DAB1: variants seen among roughly 807,000 people sequenced by gnomAD.
DAB1 encodes the protein disabled homolog 1.
DAB1 carries 15 observed loss-of-function variants against 64.6 expected under a neutral mutation model. The ratio of observed to expected loss-of-function variants is 0.23; its 90% confidence interval spans 0.16 to 0.36. The LOEUF is 0.36. DAB1 is among the 10% of genes least tolerant of loss of function. The pLI, the probability that DAB1 is intolerant of heterozygous loss-of-function variation, is 1.00. For missense variants in DAB1, 596 were observed against 706.7 expected, an observed-to-expected ratio of 0.84 and a Z score of 1.78; for synonymous variants, 235 against 251.9, an observed-to-expected ratio of 0.93 and a Z score of 0.64.
At chr1:58,498,054 C>G (rs186355326) in intron 3 of DAB1, among the ~76,000 whole-genome samples, 266 of 152,128 alleles carry the variant, frequency 1.7e-3, no homozygotes, top group African/African-American at 6.1e-3. Context: ...CTATAAGGCC[C>G]TGATATCTGG....
rs572616932 is a variant in DAB1 at position 57,381,763 on chromosome 1, T to C, written c.-137+42167A>G. Among the ~76,000 whole-genome samples, 8 of 152,320 alleles carry C rather than the reference T, an allele frequency of 5.3e-5. No individual in the cohort carries two copies. In the East Asian group the frequency reaches 1.4e-3, roughly 26 times the overall value. ...TCAATTCTCTAAGAATATGACTTTA[T>C]AGGTTCTCTGCCCACATTCATCCCT... On this transcript the variant is annotated intron_variant, in intron 1 of 14. Coordinates refer to ENST00000371236, the MANE Select transcript of DAB1 (RefSeq NM_001365792.1).
At chr1:57,194,801 T>G (rs77703037) in intron 2 of DAB1, among the ~76,000 whole-genome samples, 2 of 152,136 alleles carry the variant, frequency 1.3e-5, no homozygotes, top group Admixed American at 6.5e-5. Context: ...TCAAAGCGCA[T>G]CTCCAATCAG....
chr1:57,492,649 G>A (rs79036572), intron 7 of DAB1, among the ~76,000 whole-genome samples: 2,504 of 152,296 alleles, frequency 0.016, 65 homozygotes, highest in African/African-American at 0.057. Context: ...GCCTAGGATA[G>A]TGAAAGGAGA....
At chr1:58,412,080 A>G (rs1224048853) in intron 3 of DAB1, among the ~76,000 whole-genome samples, 1 of 152,122 alleles carries the variant, frequency 6.6e-6, no homozygotes, top group East Asian at 1.9e-4. Context: ...TGGGCACATA[A>G]CCCACACTGA....
At chr1:57,226,710 A>G (rs976191924) in intron 2 of DAB1, among the ~76,000 whole-genome samples, 3 of 144,386 alleles carry the variant, frequency 2.1e-5, no homozygotes, top group Non-Finnish European at 4.5e-5. Flanking sequence ...AGTGTTTAGA[A>G]GTGAGGAAAC....
At chr1:57,364,449 C>T (rs1464433757) in intron 1 of DAB1, among the ~76,000 whole-genome samples, 2 of 152,068 alleles carry the variant, frequency 1.3e-5, no homozygotes, top group African/African-American at 2.4e-5. Context: ...AGCCGTGACA[C>T]CTCAGGAATC....
chr1:58,033,927 T>G (rs1274636010), intron 5 of DAB1, among the ~76,000 whole-genome samples: 1 of 152,068 alleles, frequency 6.6e-6, no homozygotes, highest in Non-Finnish European at 1.5e-5. Flanking sequence ...TGAAGTGAAA[T>G]TTGAGGACTC....
chr1:57,607,381 C>A (rs1416729431), intron 7 of DAB1, among the ~76,000 whole-genome samples: 1 of 152,130 alleles, frequency 6.6e-6, no homozygotes, highest in Non-Finnish European at 1.5e-5. Flanking sequence ...TCTGTAATGC[C>A]CAATGTGACT....
chr1:58,277,627 T>C (rs1661481109), intron 4 of DAB1, among the ~76,000 whole-genome samples: 1 of 152,186 alleles, frequency 6.6e-6, no homozygotes, highest in African/African-American at 2.4e-5. Flanking sequence ...CTCTGGGAAC[T>C]CAGTCATGAA....
intron 6 of DAB1, among the ~76,000 whole-genome samples, chr1:57,672,865 C>T (rs534455581): frequency 2.6e-5 from 4 of 152,218 alleles, no homozygotes; most frequent in Admixed American, 2.6e-4. Context: ...TCTCTATTGG[C>T]TAACATAGCT....
chr1:57,767,664 A>C (rs562318819), intron 6 of DAB1, among the ~76,000 whole-genome samples: 1 of 152,264 alleles, frequency 6.6e-6, no homozygotes, highest in East Asian at 1.9e-4. Context: ...GCTACTCAAT[A>C]AATAATTAAT....
chr1:58,284,121 T>G (rs577331124), intron 4 of DAB1, among the ~76,000 whole-genome samples: 1 of 152,348 alleles, frequency 6.6e-6, no homozygotes, highest in Non-Finnish European at 1.5e-5. Context: ...TTGCCTAGTC[T>G]TGAGGTCTTT....
intron 6 of DAB1, among the ~76,000 whole-genome samples, chr1:57,785,255 A>G (rs1262338027): frequency 1.3e-5 from 2 of 152,192 alleles, no homozygotes; most frequent in Non-Finnish European, 2.9e-5. Context: ...AAGAACTCTG[A>G]TGGATATGTG....
At chr1:57,310,883 G>A (rs1007068318) in intron 1 of DAB1, among the ~76,000 whole-genome samples, 6 of 151,908 alleles carry the variant, frequency 3.9e-5, no homozygotes, top group South Asian at 2.1e-4. Flanking sequence ...CTGTAATCCC[G>A]GCTACTTGGG....
chr1:58,035,757 T>G (rs767839411), intron 5 of DAB1, among the ~76,000 whole-genome samples: 1 of 152,170 alleles, frequency 6.6e-6, no homozygotes, highest in African/African-American at 2.4e-5. Flanking sequence ...AGCCCAGGAC[T>G]GGCAGGATAA....
At chr1:57,515,755 C>T (rs780800746) in intron 7 of DAB1, among the ~76,000 whole-genome samples, 30 of 152,208 alleles carry the variant, frequency 2.0e-4, no homozygotes, top group Middle Eastern at 3.2e-3. Context: ...TTGTGCCAAG[C>T]CTTGAGCCAA....
In DAB1 at chr1:56,994,878, T is replaced by C. The variant is rs1386577537; in HGVS notation, c.*3266A>G. 1 of 152,242 alleles carries C rather than the reference T, an allele frequency of 6.6e-6. No individual in the cohort carries two copies. Among genetic ancestry groups the C allele is most frequent in the Non-Finnish European group, 1.5e-5 (1 of 68,044 alleles). The allele number at this position is 152,242 out of a possible 1,614,324, so 9.4% of individuals were successfully genotyped here. A position where few individuals can be genotyped will look rare whatever the true frequency, so the allele number is the denominator to read the frequency against. On this transcript the variant is annotated 3_prime_UTR_variant, in exon 15 of 15. Coordinates refer to ENST00000371236, the MANE Select transcript of DAB1 (RefSeq NM_001365792.1). ...TTTTGCTGTTCTGTTGAATGCATTG[T>C]ACATAAAGTTAAAAATAATGTGTCC...
At chr1:57,236,974 C>T (rs1668130311) in intron 2 of DAB1, among the ~76,000 whole-genome samples, 1 of 152,192 alleles carries the variant, frequency 6.6e-6, no homozygotes, top group Admixed American at 6.5e-5. Flanking sequence ...AACTGAATAA[C>T]TGTATTTTTA....
chr1:58,376,456 C>T (rs1336468432), intron 3 of DAB1, among the ~76,000 whole-genome samples: 2 of 137,886 alleles, frequency 1.5e-5, no homozygotes, highest in African/African-American at 5.5e-5. Flanking sequence ...CATTCAGGAG[C>T]AGGTTGTTCA....
Sources: allele counts gnomAD v4.1 joint callset (sites outside exome capture counted in the v4.1 genomes callset), GRCh38; gene constraint gnomAD v4.1.1; transcripts MANE v1.5; gene names NCBI Gene and HGNC (gene_info 2026-07-23, HGNC 2026-07-21).